The following ZSWIM5 variants were observed in gnomAD, a reference collection of about 807,000 sequenced individuals.
ZSWIM5 encodes zinc finger SWIM domain-containing protein 5.
Under a neutral mutation model 119.6 loss-of-function variants are expected in ZSWIM5, and 55 were observed. The ratio of observed to expected loss-of-function variants is 0.46; its 90% CI spans 0.37 to 0.58. The LOEUF (loss-of-function observed/expected upper bound fraction) is 0.58. ZSWIM5 is among the 20% of genes least tolerant of loss of function. The pLI is 0.00. For synonymous variants in ZSWIM5, 537 were observed against 606.9 expected, an observed-to-expected ratio of 0.88 and a Z score of 1.69; for missense variants, 1,193 against 1,512.8, an observed-to-expected ratio of 0.79 and a Z score of 3.51.
At chr1:45,149,083 A>G (rs889496107) in intron 1 of ZSWIM5, among the ~76,000 whole-genome samples, 3 of 152,162 alleles carry the variant, frequency 2.0e-5, no homozygotes, top group African/African-American at 7.2e-5. Flanking sequence ...AGCCTGGGCA[A>G]TATAGTAAGA....
intron 1 of ZSWIM5, among the ~76,000 whole-genome samples, chr1:45,103,650 G>A (rs1645453274): frequency 2.0e-5 from 3 of 152,174 alleles, no homozygotes; most frequent in African/African-American, 7.2e-5. Context: ...GTTTTCCTGG[G>A]CAAATGTTCA....
chr1:45,018,540 GC>G lies in ZSWIM5; in HGVS notation c.3471del (p.Gln1158SerfsTer19). 6.2e-7 allele frequency: 1 copy of G among 1,614,218 alleles called. No individual in the cohort carries two copies. The highest frequency in any genetic ancestry group is 8.5e-7 in the Non-Finnish European group (1 of 1,180,044). On this transcript the variant is annotated frameshift_variant, in exon 14 of 14. Coordinates refer to ENST00000359600, the MANE Select transcript of ZSWIM5 (RefSeq NM_020883.2). LOFTEE classifies it high-confidence loss of function. The surrounding 1 kb of genome is among the most constrained non-coding windows in gnomAD (Gnocchi z 6.7). ...AGGTTGTCGATGAACTGGGCAAACT[GC>G]AGGTGGCCATCCTGGGGCAGCAGGA... ...ETFLLPQDGH[L>X]QFAQFIDNLK...
intron 2 of ZSWIM5, among the ~76,000 whole-genome samples, chr1:45,068,450 C>T (rs1030628422): frequency 6.6e-6 from 1 of 151,080 alleles, no homozygotes; most frequent in Non-Finnish European, 1.5e-5. Flanking sequence ...GAGCTGAAAT[C>T]ATGCCATTGC....
chr1:45,141,806 T>A (rs548658058), intron 1 of ZSWIM5, among the ~76,000 whole-genome samples: 10,981 of 152,118 alleles, frequency 0.072, 481 homozygotes, highest in Non-Finnish European at 0.1. Context: ...TAAAAAAGAA[T>A]ATCATGTAAT....
At chr1:45,113,172 T>C (rs1645528216) in intron 1 of ZSWIM5, among the ~76,000 whole-genome samples, 1 of 152,160 alleles carries the variant, frequency 6.6e-6, no homozygotes, top group South Asian at 2.1e-4. Context: ...CTATGATTAG[T>C]AGTATCAACA....
chr1:45,047,573 T>TG (rs1406456447), intron 5 of ZSWIM5, among the ~76,000 whole-genome samples: 1 of 152,114 alleles, frequency 6.6e-6, no homozygotes, highest in African/African-American at 2.4e-5. Flanking sequence ...AGTGAAAAAT[T>TG]GGAGATGCAG....
Position 45,072,046 on chromosome 1 carries a change from TG to T in ZSWIM5, c.953-11800del, listed in dbSNP as rs1280715465. Among the ~76,000 whole-genome samples the T allele has an allele frequency of 6.6e-6, 1 of 152,208 alleles. No homozygotes were observed. The highest frequency in any genetic ancestry group is 2.4e-5 in the African/African-American group (1 of 41,448). On this transcript the variant is annotated intron_variant, in intron 2 of 13. Transcript: ENST00000359600. The surrounding 1 kb of genome is among the most constrained non-coding windows in gnomAD (Gnocchi z 4.1). ...TACTAATTTACTTTGCCACCAACAG[TG>T]TACGAGGGTTCCCTTTTCTCCACAT...
chr1:45,071,052 C>T lies in ZSWIM5; in HGVS notation c.953-10805G>A, dbSNP rs529100083. ...CATGAGATGTTTTGATAGAGACATG[C>T]AATGCATAATAATCACAACATGGAA... On this transcript the variant is annotated intron_variant, in intron 2 of 13. Transcript: ENST00000359600. 9.4e-4 allele frequency among the ~76,000 whole-genome samples: 143 copies of T among 152,164 alleles called. 1 individual carries two copies. The highest frequency in any genetic ancestry group is 3.3e-3 in the African/African-American group (139 of 41,516).
intron 1 of ZSWIM5, among the ~76,000 whole-genome samples, chr1:45,157,328 C>T (rs1274742157): frequency 6.6e-6 from 1 of 152,082 alleles, no homozygotes; most frequent in East Asian, 1.9e-4. Context: ...GCGCATGCCA[C>T]CACATTTGGC....
chr1:45,091,997 A>G (rs1021119323), intron 1 of ZSWIM5, among the ~76,000 whole-genome samples: 1 of 151,966 alleles, frequency 6.6e-6, no homozygotes, highest in African/African-American at 2.4e-5. Flanking sequence ...CAGCTTCTCC[A>G]TTTTTAAGAT....
At chr1:45,198,528 T>A (rs1646139051) in intron 1 of ZSWIM5, among the ~76,000 whole-genome samples, 1 of 152,158 alleles carries the variant, frequency 6.6e-6, no homozygotes, top group Non-Finnish European at 1.5e-5. Flanking sequence ...AGCCAAAGCA[T>A]TAGCAGAAAA....
chr1:45,034,595 GT>G, intron 10 of ZSWIM5, 126 bp from the exon 11 acceptor site: 1 of 1,178,288 alleles, frequency 8.5e-7, no homozygotes, highest in South Asian at 1.6e-5. Context: ...AGCTTTGAAG[GT>G]TTTTAAACCT....
chr1:45,198,497 T>C (rs1479275657), intron 1 of ZSWIM5, among the ~76,000 whole-genome samples: 1 of 152,228 alleles, frequency 6.6e-6, no homozygotes, highest in Non-Finnish European at 1.5e-5. Flanking sequence ...TGATTTATTA[T>C]GTGAGTGTTT....
chr1:45,167,022 C>G (rs1049040927), intron 1 of ZSWIM5, among the ~76,000 whole-genome samples: 13 of 152,248 alleles, frequency 8.5e-5, no homozygotes, highest in South Asian at 6.2e-4. Context: ...CAAGTCAATC[C>G]TAAGCCAAAA....
intron 1 of ZSWIM5, among the ~76,000 whole-genome samples, chr1:45,191,600 T>C (rs1363097617): frequency 6.6e-6 from 1 of 152,186 alleles, no homozygotes; most frequent in Non-Finnish European, 1.5e-5. Context: ...TCGACTTCTC[T>C]GCCCTCCTAA....
At chr1:45,084,170 A>G (rs759334812) in intron 2 of ZSWIM5, among the ~76,000 whole-genome samples, 2 of 152,168 alleles carry the variant, frequency 1.3e-5, no homozygotes, top group Non-Finnish European at 2.9e-5. Context: ...TTGGCTTCCC[A>G]AAGTACTGAG....
chr1:45,058,204 A>C (rs1645133389), intron 4 of ZSWIM5, among the ~76,000 whole-genome samples: 1 of 152,196 alleles, frequency 6.6e-6, no homozygotes, highest in South Asian at 2.1e-4. Context: ...GGAAGAATAG[A>C]AGGTTAAGTC....
intron 1 of ZSWIM5, among the ~76,000 whole-genome samples, chr1:45,168,500 T>TA (rs1645924475): frequency 6.9e-6 from 1 of 144,524 alleles, no homozygotes; most frequent in African/African-American, 2.6e-5. Context: ...TATATTTTTT[T>TA]TAAAAAATAC....
intron 1 of ZSWIM5, among the ~76,000 whole-genome samples, chr1:45,185,335 C>T (rs1220082767): frequency 6.6e-6 from 1 of 150,990 alleles, no homozygotes; most frequent in Admixed American, 6.6e-5. Context: ...AGGACATAGG[C>T]ATGGGCAAGG....
Sources: gnomAD v4.1 joint callset for allele counts (sites outside exome capture counted in the v4.1 genomes callset) on GRCh38, gnomAD v4.1.1 for gene constraint, Gnocchi (gnomAD v3.1) non-coding constraint, MANE v1.5 for transcripts, NCBI Gene and HGNC (gene_info 2026-07-23, HGNC 2026-07-21) for gene names.